CMTM4: variants seen among roughly 807,000 people sequenced by gnomAD.
CMTM4 encodes the protein CKLF like MARVEL transmembrane domain containing 4.
Under a neutral mutation model 19.0 loss-of-function variants are expected in CMTM4, and 8 were observed. The ratio of observed to expected loss-of-function variants is 0.42; its 90% confidence interval spans 0.25 to 0.76. CMTM4 has a LOEUF of 0.76. Among genes scored for constraint, CMTM4 ranks in the 30% least tolerant of loss-of-function variants. CMTM4 has a pLI of 0.27. For synonymous variants in CMTM4, 106 were observed against 121.1 expected (o/e 0.88, Z 0.82); for missense variants, 228 against 290.2 (o/e 0.79, Z 1.56).
downstream of CMTM4, chr16:66,612,709 G>A (rs926507729): frequency 1.1e-5 from 16 of 1,489,622 alleles, no homozygotes; most frequent in African/African-American, 5.5e-5. The surrounding 1 kb of genome is among the most constrained non-coding windows in gnomAD (Gnocchi z 6.0). Context: ...GGTCGCTGGC[G>A]TTGGAGCGGA....
At chr16:66,610,166 A>C, downstream of CMTM4, 1 of 867,914 alleles carries the variant, frequency 1.2e-6, no homozygotes, top group Non-Finnish European at 1.8e-6. The surrounding 1 kb of genome is among the most constrained non-coding windows in gnomAD (Gnocchi z 4.6). Context: ...GCACTGATCC[A>C]AAGCCAGTCC....
intron 1 of CMTM4, among the ~76,000 whole-genome samples, chr16:66,638,929 AAAC>A (rs1260506145): frequency 2.0e-5 from 3 of 152,162 alleles, no homozygotes; most frequent in Non-Finnish European, 4.4e-5. Context: ...CAAAAAAAAA[AAAC>A]AAAGGTAAGT....
In CMTM4 at chr16:66,696,310, C is replaced by T; in HGVS notation, c.186+30G>A. 5 of 1,297,562 alleles carry T rather than the reference C, an allele frequency of 3.9e-6. No individual in the cohort carries two copies. The highest frequency in any genetic ancestry group is 3.3e-5 in the East Asian group (1 of 30,242). 80.4% of individuals were successfully genotyped at this position (1,297,562 alleles called of 1,614,324 possible). On this transcript the variant is annotated intron_variant, in intron 1 of 3. Transcript: ENST00000394106. The surrounding 1 kb of genome is among the most constrained non-coding windows in gnomAD (Gnocchi z 4.3). ...GGGAGGCGTGCGGCTAGGCCGCCCTCGGGCACCTGGGGCCCCGCCCGGCAC... is the reference window on the plus strand; with the variant it reads ...GGGAGGCGTGCGGCTAGGCCGCCCTTGGGCACCTGGGGCCCCGCCCGGCAC...
At chr16:66,684,967 C>T (rs771069760) in intron 1 of CMTM4, among the ~76,000 whole-genome samples, 9 of 152,316 alleles carry the variant, frequency 5.9e-5, no homozygotes, top group South Asian at 2.1e-4. Flanking sequence ...AATCCCATCT[C>T]ATCTCACCCT....
Position 66,617,738 on chromosome 16 carries a change from A to G in CMTM4, c.*4320T>C. 1 of 1,029,252 alleles carries G rather than the reference A, an allele frequency of 9.7e-7. No individual in the cohort carries two copies. The highest frequency in any genetic ancestry group is 1.2e-6 in the Non-Finnish European group (1 of 857,596). 63.8% of individuals were successfully genotyped at this position (1,029,252 alleles called of 1,614,324 possible). A position where few individuals can be genotyped will look rare whatever the true frequency, so the allele number is the denominator to read the frequency against. Reference sequence around the variant, plus strand: ...TACAAAGCTAAAAGCTGAGGGTGTCAGGCCTGCGTCCTGTCTGAGATGGCA... The same window carrying G: ...TACAAAGCTAAAAGCTGAGGGTGTCGGGCCTGCGTCCTGTCTGAGATGGCA... On this transcript the variant is annotated 3_prime_UTR_variant, in exon 4 of 4. Coordinates refer to ENST00000394106, the MANE Select transcript of CMTM4 (RefSeq NM_181521.3).
chr16:66,677,441 T>A (rs558806951), intron 1 of CMTM4, among the ~76,000 whole-genome samples: 1 of 152,308 alleles, frequency 6.6e-6, no homozygotes, highest in African/African-American at 2.4e-5. Flanking sequence ...AACAAGAGCT[T>A]CCAGCCAGGC....
intron 1 of CMTM4, among the ~76,000 whole-genome samples, chr16:66,650,795 T>C (rs927044205): frequency 1.3e-5 from 2 of 152,216 alleles, no homozygotes; most frequent in Non-Finnish European, 2.9e-5. Context: ...CTCAGCTTTG[T>C]CACGTCATGC....
intron 2 of CMTM4, among the ~76,000 whole-genome samples, chr16:66,634,287 A>G (rs928539288): frequency 1.3e-5 from 2 of 152,004 alleles, no homozygotes; most frequent in African/African-American, 2.4e-5. Context: ...TAAAAATACA[A>G]AAATTAGCTG....
intron 1 of CMTM4, among the ~76,000 whole-genome samples, chr16:66,690,592 G>C (rs535903928): frequency 6.6e-6 from 1 of 152,166 alleles, no homozygotes; most frequent in East Asian, 1.9e-4. Flanking sequence ...AACTAACAAG[G>C]TTTCCACCAA....
rs2015583763 is a variant in CMTM4 at position 66,619,279 on chromosome 16, C to A, written c.*2779G>T. The A allele has an allele frequency of 1.0e-6, 1 of 985,338 alleles. No individual in the cohort carries two copies. The highest frequency in any genetic ancestry group is 6.1e-5 in the Admixed American group (1 of 16,272). 61.0% of individuals were successfully genotyped at this position (985,338 alleles called of 1,614,324 possible). A position where few individuals can be genotyped will look rare whatever the true frequency, so the allele number is the denominator to read the frequency against. ...TGCCAAAATAAACTTTCTCTGAGGACATCAGTGTTTGCATCCATCTAAAAC... is the reference window on the plus strand; with the variant it reads ...TGCCAAAATAAACTTTCTCTGAGGAAATCAGTGTTTGCATCCATCTAAAAC... On this transcript the variant is annotated 3_prime_UTR_variant, in exon 4 of 4. Coordinates refer to ENST00000394106, the MANE Select transcript of CMTM4 (RefSeq NM_181521.3).
intron 1 of CMTM4, among the ~76,000 whole-genome samples, chr16:66,680,980 T>C (rs921657035): frequency 2.0e-5 from 3 of 152,058 alleles, no homozygotes; most frequent in Non-Finnish European, 4.4e-5. Context: ...CCTTCTAACC[T>C]AGAAATATCC....
In CMTM4 at chr16:66,619,985, A is replaced by C. The variant is rs2015598980; in HGVS notation, c.*2073T>G. On this transcript the variant is annotated 3_prime_UTR_variant, in exon 4 of 4. Transcript: ENST00000394106. Reference sequence around the variant, plus strand: ...ACAACATATCCTCAGGAGGCCAACCACCTGCCCCCCTCTTTCACCAGATGA... The same window carrying C: ...ACAACATATCCTCAGGAGGCCAACCCCCTGCCCCCCTCTTTCACCAGATGA... 1 of 985,264 alleles carries C rather than the reference A, an allele frequency of 1.0e-6. No individual in the cohort carries two copies. The highest frequency in any genetic ancestry group is 1.7e-5 in the African/African-American group (1 of 57,222). The allele number at this position is 985,264 out of a possible 1,614,324, so 61.0% of individuals were successfully genotyped here. A position where few individuals can be genotyped will look rare whatever the true frequency, so the allele number is the denominator to read the frequency against.
intron 1 of CMTM4, among the ~76,000 whole-genome samples, chr16:66,695,451 T>C (rs1298330846): frequency 6.6e-6 from 1 of 152,096 alleles, no homozygotes; most frequent in Non-Finnish European, 1.5e-5. Flanking sequence ...CAGAGAATGT[T>C]GGGGGGACAC....
intron 1 of CMTM4, among the ~76,000 whole-genome samples, chr16:66,671,099 CTG>C (rs1309918081): frequency 6.6e-6 from 1 of 152,082 alleles, no homozygotes; most frequent in Non-Finnish European, 1.5e-5. Flanking sequence ...GATAAAAAAA[CTG>C]ATATTTATAT....
chr16:66,669,468 A>T (rs1056072509), intron 1 of CMTM4, among the ~76,000 whole-genome samples: 11 of 127,186 alleles, frequency 8.6e-5, no homozygotes, highest in East Asian at 8.3e-4. Flanking sequence ...CATGTTAATT[A>T]AAAAAAAAAA....
intron 2 of CMTM4, among the ~76,000 whole-genome samples, chr16:66,624,675 G>A (rs532986398): frequency 6.5e-4 from 99 of 152,352 alleles, no homozygotes; most frequent in African/African-American, 2.3e-3. Flanking sequence ...GCTGAAGTAC[G>A]AGAATCACTT....
intron 1 of CMTM4, among the ~76,000 whole-genome samples, chr16:66,668,160 G>C (rs565887807): frequency 2.1e-4 from 31 of 147,548 alleles, no homozygotes; most frequent in Non-Finnish European, 3.9e-4. Flanking sequence ...ACCACCAACA[G>C]AGCTATTTTT....
Position 66,617,970 on chromosome 16 carries a change from T to G in CMTM4, c.*4088A>C. The stretch of plus-strand genomic sequence containing the variant: ...TTCCAAGACAGCCTGAGCTGTCTAG[T>G]GCTGATAGCAGACAGGTGGGGTGTT... On this transcript the variant is annotated 3_prime_UTR_variant, in exon 4 of 4. Coordinates refer to ENST00000394106, the MANE Select transcript of CMTM4 (RefSeq NM_181521.3). The G allele has an allele frequency of 3.0e-6, 3 of 985,978 alleles. No homozygotes were observed. The South Asian group carries it at 1.4e-4, about 46-fold the overall frequency. 61.1% of individuals were successfully genotyped at this position (985,978 alleles called of 1,614,324 possible).
intron 1 of CMTM4, among the ~76,000 whole-genome samples, chr16:66,695,840 C>T (rs1267190586): frequency 2.0e-5 from 3 of 152,194 alleles, no homozygotes; most frequent in African/African-American, 7.2e-5. Flanking sequence ...TACCTGCCTC[C>T]ATCCAGCAAA....
Sources: allele counts gnomAD v4.1 joint callset (sites outside exome capture counted in the v4.1 genomes callset), GRCh38; gene constraint gnomAD v4.1.1; non-coding constraint Gnocchi (gnomAD v3.1); transcripts MANE v1.5; gene names NCBI Gene and HGNC (gene_info 2026-07-23, HGNC 2026-07-21).